The following ZNF648 variants were observed in gnomAD, a reference collection of about 807,000 sequenced individuals.
ZNF648 encodes the protein zinc finger protein 648.
In ZNF648, 1 loss-of-function variant was observed where a neutral mutation model predicts 0.3. That is an observed-to-expected ratio of 3.90 (90% CI 1.39 to 18.51). The LOEUF (loss-of-function observed/expected upper bound fraction) is 18.51, where lower values mean the gene tolerates loss of function less well. ZNF648 is among the 30% of genes most tolerant of loss of function. ZNF648 has a pLI of 0.11. For missense variants in ZNF648, 874 were observed against 769.7 expected (o/e 1.14, Z -1.60); for synonymous variants, 376 against 326.8 (o/e 1.15, Z -1.62).
intron 1 of ZNF648, among the ~76,000 whole-genome samples, chr1:182,060,221 G>A (rs749700627): frequency 5.3e-5 from 8 of 152,246 alleles, no homozygotes; most frequent in Non-Finnish European, 1.0e-4. Context: ...GACCCATGTT[G>A]CAGAGGCCAC....
chr1:182,060,417 T>C (rs559520022), intron 1 of ZNF648, among the ~76,000 whole-genome samples: 2 of 152,328 alleles, frequency 1.3e-5, no homozygotes, highest in African/African-American at 4.8e-5. Flanking sequence ...TGCCTGATCA[T>C]GAGCCCAGTT....
chr1:182,058,468 C>T (rs1665977435), intron 1 of ZNF648, among the ~76,000 whole-genome samples: 1 of 152,152 alleles, frequency 6.6e-6, no homozygotes, highest in Non-Finnish European at 1.5e-5. Context: ...CAGTGTCCCC[C>T]ACTCAGGAAG....
At position 182,057,370 on chromosome 1, in the gene ZNF648, G is replaced by A. The variant is rs1297019300; in HGVS notation, c.641C>T (p.Ala214Val). 15 of 1,612,098 alleles carry A rather than the reference G, an allele frequency of 9.3e-6. No homozygotes were observed. Among genetic ancestry groups the A allele is most frequent in the Non-Finnish European group, 1.2e-5 (14 of 1,179,906 alleles). The change falls in exon 2 of 2, where the codon GCC becomes GTC. Residue 214 changes from alanine to valine, a missense_variant. Physicochemically the swap from Ala to Val is moderately conservative, Grantham distance 64 (BLOSUM62 0). Transcript: ENST00000339948. ...CGCGGCAGCCAGGCTGGCTGGGGTG[G>A]CCGACGCCTGGGCTGGTGTATGTGT... ...QETHTPAQAS[A>V]TPASLAAAVL...
chr1:182,068,922 A>T, the ZNF648 span: 1 of 43,084 alleles, frequency 2.3e-5, no homozygotes, highest in African/African-American at 6.4e-5. Flanking sequence ...TCTCAAAGGA[A>T]AAAGAAAAGA....
the ZNF648 span, among the ~76,000 whole-genome samples, chr1:182,067,508 A>G: frequency 6.6e-6 from 1 of 152,142 alleles, no homozygotes; most frequent in African/African-American, 2.4e-5. Context: ...CTCCTGTCTA[A>G]ACAGCAGAGA....
chr1:182,055,970 C>T lies in ZNF648; in HGVS notation c.*334G>A, dbSNP rs1414678251. The T allele has an allele frequency of 2.4e-5, 7 of 294,734 alleles. No individual in the cohort carries two copies. The East Asian group carries it at 5.1e-4, about 22-fold the overall frequency. The allele number at this position is 294,734 out of a possible 1,614,324, so 18.3% of individuals were successfully genotyped here. A position where few individuals can be genotyped will look rare whatever the true frequency, so the allele number is the denominator to read the frequency against. ...TTTTCCCCACCTTATCCCTGGAGCC[C>T]GGCCCAGTGCCCAGCATGTAATTCT... On this transcript the variant is annotated 3_prime_UTR_variant, in exon 2 of 2. Coordinates refer to ENST00000339948, the MANE Select transcript of ZNF648 (RefSeq NM_001009992.1). This position sits in a 1 kb window ranked among gnomAD's most constrained non-coding sequence, Gnocchi z 4.1.
At chr1:182,063,068 G>A (rs1183633672), upstream of ZNF648, 3 of 152,142 alleles carry the variant, frequency 2.0e-5, no homozygotes, top group African/African-American at 7.2e-5. Context: ...GGTATTCCAT[G>A]GTGTATATAT....
Position 182,056,681 on chromosome 1 carries a change from C to G in ZNF648, c.1330G>C (p.Gly444Arg), listed in dbSNP as rs750328257. 6.2e-7 allele frequency: 1 copy of G among 1,602,622 alleles called. No individual in the cohort carries two copies. The highest frequency in any genetic ancestry group is 8.5e-7 in the Non-Finnish European group (1 of 1,174,506). The change falls in exon 2 of 2, where the codon GGC becomes CGC. Residue 444 changes from glycine (G) to arginine (R), a missense_variant. Physicochemically the swap from Gly to Arg is moderately radical, Grantham distance 125. Transcript: ENST00000339948. Reference protein sequence around the residue: ...NLSEHQTLHTGQRPFKCADCG... With the variant: ...NLSEHQTLHTRQRPFKCADCG... ...TCAGCGCACTTGAAAGGCCTCTGGCCGGTGTGCAGCGTCTGGTGCTCGGAC... is the reference window on the plus strand; with the variant it reads ...TCAGCGCACTTGAAAGGCCTCTGGCGGGTGTGCAGCGTCTGGTGCTCGGAC...
chr1:182,056,515 G>C lies in ZNF648; in HGVS notation c.1496C>G (p.Ser499Cys), dbSNP rs199700104. 1.2e-6 allele frequency: 2 copies of C among 1,613,978 alleles called. No homozygotes were observed. Among genetic ancestry groups the C allele is most frequent in the East Asian group, 2.2e-5 (1 of 44,844 alleles). Reference sequence around the variant, plus strand: ...GGCACAGAGGAATCCCTTCTCCCCGGAGTGGATCTGTTGGTGCCGCTTCAG... The same window carrying C: ...GGCACAGAGGAATCCCTTCTCCCCGCAGTGGATCTGTTGGTGCCGCTTCAG... ...STLKRHQQIH[S>C]GEKGFLCAEC... The change falls in exon 2 of 2, where the codon TCC (serine) becomes TGC (cysteine). Residue 499 changes from serine (S) to cysteine (C), a missense_variant. Transcript: ENST00000339948.
chr1:182,060,880 A>C (rs986262692), intron 1 of ZNF648, among the ~76,000 whole-genome samples: 1 of 152,172 alleles, frequency 6.6e-6, no homozygotes, highest in Non-Finnish European at 1.5e-5. Flanking sequence ...CACTGTTCAC[A>C]GATCACTGAC....
upstream of ZNF648, among the ~76,000 whole-genome samples, chr1:182,062,393 C>T (rs201893871): frequency 7.2e-5 from 11 of 152,294 alleles, no homozygotes; most frequent in East Asian, 1.5e-3. Flanking sequence ...ACATTCAGGG[C>T]ATTAAAATAG....
intron 1 of ZNF648, among the ~76,000 whole-genome samples, chr1:182,059,813 A>AG (rs1261972573): frequency 6.6e-6 from 1 of 151,598 alleles, no homozygotes; most frequent in African/African-American, 2.4e-5. Flanking sequence ...CAAAAAAAAA[A>AG]AAAAAGATAG....
At chr1:182,059,934 T>A (rs1186606063) in intron 1 of ZNF648, among the ~76,000 whole-genome samples, 2 of 151,864 alleles carry the variant, frequency 1.3e-5, no homozygotes, top group African/African-American at 4.8e-5. Flanking sequence ...AGCAGTGGGG[T>A]TTCTCTCTAA....
chr1:182,065,418 T>C (rs762373253), upstream of ZNF648, among the ~76,000 whole-genome samples: 3 of 152,212 alleles, frequency 2.0e-5, no homozygotes, highest in Non-Finnish European at 2.9e-5. Flanking sequence ...CTGCACAGTC[T>C]CATCACCTAT....
rs751915661 is a variant in ZNF648, at chr1:182,057,217, G to T, written c.794C>A (p.Pro265Gln). ...GCCGCGCGTCTCCGCGGGGCTCAGC[G>T]GCTTGCTGGGCTTCTGAAAGGCCCG... Reference protein sequence around the residue: ...GGRAFQKPSKPLSPAETRGGA... With the variant: ...GGRAFQKPSKQLSPAETRGGA... The change falls in exon 2 of 2, where the codon CCG becomes CAG. Residue 265 changes from proline (P) to glutamine (Q), a missense_variant. Physicochemically the swap from Pro to Gln is moderately conservative, Grantham distance 76. Coordinates refer to ENST00000339948, the MANE Select transcript of ZNF648 (RefSeq NM_001009992.1). 8.9e-6 allele frequency: 14 copies of T among 1,565,480 alleles called. No individual in the cohort carries two copies. Among genetic ancestry groups the T allele is most frequent in the Admixed American group, 1.9e-5 (1 of 53,898 alleles).
chr1:182,068,593 T>G, the ZNF648 span, among the ~76,000 whole-genome samples: 1 of 152,310 alleles, frequency 6.6e-6, no homozygotes, highest in African/African-American at 2.4e-5. Context: ...TGAAAAACAT[T>G]GTACATTGCA....
rs887951274 is a variant in ZNF648, at chr1:182,055,170, A to C, written c.*1134T>G. ...CAGCTAAGAACTACTGACTTTATAC[A>C]GATCACTATACACATCAATACACTT... On this transcript the variant is annotated 3_prime_UTR_variant, in exon 2 of 2. Coordinates refer to ENST00000339948, the MANE Select transcript of ZNF648 (RefSeq NM_001009992.1). The surrounding 1 kb of genome is among the most constrained non-coding windows in gnomAD (Gnocchi z 4.1). 3.9e-5 allele frequency: 6 copies of C among 152,236 alleles called. No homozygotes were observed. Among genetic ancestry groups the C allele is most frequent in the African/African-American group, 1.2e-4 (5 of 41,460 alleles). 9.4% of individuals were successfully genotyped at this position (152,236 alleles called of 1,614,324 possible).
chr1:182,057,053 A>C lies in ZNF648; in HGVS notation c.958T>G (p.Ser320Ala). ...SFCDKAYTWSSDHRKHIRTHT... is the reference protein window; with the variant it reads ...SFCDKAYTWSADHRKHIRTHT... ...GTGCGGATGTGCTTCCGGTGGTCGG[A>C]GGACCAGGTGTAGGCCTTGTCGCAG... Residue 320 changes from serine (S) to alanine (A), a missense_variant, in exon 2 of 2, where the codon TCC (serine) becomes GCC (alanine). Physicochemically the swap from Ser to Ala is moderately conservative, Grantham distance 99. Coordinates refer to ENST00000339948, the MANE Select transcript of ZNF648 (RefSeq NM_001009992.1). 6.2e-7 allele frequency: 1 copy of C among 1,613,000 alleles called. No individual in the cohort carries two copies. The highest frequency in any genetic ancestry group is 8.5e-7 in the Non-Finnish European group (1 of 1,179,892).
chr1:182,057,458 C>T lies in ZNF648; in HGVS notation c.553G>A (p.Gly185Arg), dbSNP rs1262684484. Residue 185 changes from glycine (G) to arginine (R), a missense_variant, in exon 2 of 2, where the codon GGG becomes AGG. Physicochemically the swap from Gly to Arg is moderately radical, Grantham distance 125 (BLOSUM62 -2). Transcript: ENST00000339948. ...GGGAAACACAACAGAGAAGAGTTCC[C>T]TGCGGACGTGTCTACACTTTTGTGC... Reference protein sequence around the residue: ...CAHKSVDTSAGNSSLLCFPRP... With the variant: ...CAHKSVDTSARNSSLLCFPRP... 6.8e-6 allele frequency: 11 copies of T among 1,614,102 alleles called. No homozygotes were observed. The highest frequency in any genetic ancestry group is 1.3e-5 in the African/African-American group (1 of 74,946).
Sources: allele counts gnomAD v4.1 joint callset (sites outside exome capture counted in the v4.1 genomes callset), GRCh38; gene constraint gnomAD v4.1.1; non-coding constraint Gnocchi (gnomAD v3.1); transcripts MANE v1.5; gene names NCBI Gene and HGNC (gene_info 2026-07-23, HGNC 2026-07-21).